Variants in RRM2 observed in about 807,000 individuals in gnomAD.
RRM2 encodes ribonucleoside-diphosphate reductase subunit M2.
A neutral mutation model predicts 45.9 loss-of-function variants in RRM2; 6 were observed. That is an observed-to-expected ratio of 0.13 (90% CI 0.07 to 0.26). The LOEUF (loss-of-function observed/expected upper bound fraction) is 0.26, where lower values mean the gene tolerates loss of function less well. Among genes scored for constraint, RRM2 ranks in the 10% least tolerant of loss-of-function variants. RRM2 has a pLI of 1.00. For synonymous variants in RRM2, 177 were observed against 173.0 expected, an observed-to-expected ratio of 1.02 and a Z score of -0.18; for missense variants, 343 against 489.5, an observed-to-expected ratio of 0.70 and a Z score of 2.82.
upstream of RRM2, among the ~76,000 whole-genome samples, chr2:10,136,793 T>C (rs1305373803): frequency 1.3e-5 from 2 of 151,860 alleles, no homozygotes; most frequent in African/African-American, 2.4e-5. Flanking sequence ...ACCCTGGCCA[T>C]AGCCCCTGGG....
At position 10,127,341 on chromosome 2, in the gene RRM2, T is replaced by G; in HGVS notation, c.798+121T>G. On this transcript the variant is annotated intron_variant, in intron 7 of 9. Coordinates refer to ENST00000304567, the MANE Select transcript of RRM2 (RefSeq NM_001034.4). The surrounding 1 kb of genome is among the most constrained non-coding windows in gnomAD (Gnocchi z 4.1). ...ATATATCCACATTTAATGTGTGAGTTCAACCATACACATACTTGACAAAAG... is the reference window on the plus strand; with the variant it reads ...ATATATCCACATTTAATGTGTGAGTGCAACCATACACATACTTGACAAAAG... The G allele has an allele frequency of 1.1e-6, 1 of 947,894 alleles. No homozygotes were observed. The highest frequency in any genetic ancestry group is 1.6e-5 in the South Asian group (1 of 62,242). 58.7% of individuals were successfully genotyped at this position (947,894 alleles called of 1,614,324 possible). A position where few individuals can be genotyped will look rare whatever the true frequency, so the allele number is the denominator to read the frequency against.
At chr2:10,139,042 C>T (rs1029310394), upstream of RRM2, among the ~76,000 whole-genome samples, 2 of 152,068 alleles carry the variant, frequency 1.3e-5, no homozygotes, top group Non-Finnish European at 2.9e-5. Flanking sequence ...CGGGAGGTGG[C>T]GGTTGTAGTG....
In RRM2 at chr2:10,122,902, G is replaced by A. The variant is rs375810774; in HGVS notation, c.99+5G>A. 2 of 1,577,174 alleles carry A rather than the reference G, an allele frequency of 1.3e-6. No homozygotes were observed. The highest frequency in any genetic ancestry group is 1.1e-5 in the South Asian group (1 of 86,972). On this transcript the variant is annotated splice_donor_5th_base_variant and intron_variant, in intron 1 of 9. Transcript: ENST00000304567. ...TTGGTCGACAAGGAGAACACGGTGAGCCCGCGGGGAGGGCGCTGCGGGCAG... is the reference window on the plus strand; with the variant it reads ...TTGGTCGACAAGGAGAACACGGTGAACCCGCGGGGAGGGCGCTGCGGGCAG...
Position 10,128,872 on chromosome 2 carries a change from C to G in RRM2, c.823C>G (p.Leu275Val). The G allele has an allele frequency of 6.2e-7, 1 of 1,614,052 alleles. No individual in the cohort carries two copies. The highest frequency in any genetic ancestry group is 8.5e-7 in the Non-Finnish European group (1 of 1,179,964). ...DEGLHCDFAC[L>V]MFKHLVHKPS... ...GGGTTTACACTGTGATTTTGCTTGC[C>G]TGATGTTCAAACACCTGGTACACAA... The change falls in exon 8 of 10, where the codon CTG becomes GTG. Residue 275 changes from leucine to valine, a missense_variant. Leu to Val is a conservative substitution (Grantham distance 32). Transcript: ENST00000304567.
chr2:10,165,897 C>T (rs1487053770), intron 3 of RRM2, among the ~76,000 whole-genome samples: 1 of 152,222 alleles, frequency 6.6e-6, no homozygotes, highest in Non-Finnish European at 1.5e-5. Context: ...CTTCACAGAT[C>T]TTTTGCTGAG....
intron 3 of RRM2, among the ~76,000 whole-genome samples, chr2:10,206,584 C>T (rs904724682): frequency 5.9e-5 from 9 of 152,142 alleles, no homozygotes; most frequent in Non-Finnish European, 4.4e-5. Context: ...CATGCTTAAC[C>T]GGAGTTCCAG....
chr2:10,166,920 C>A (rs1467576842), intron 3 of RRM2, among the ~76,000 whole-genome samples: 2 of 152,226 alleles, frequency 1.3e-5, no homozygotes, highest in Non-Finnish European at 2.9e-5. Context: ...TCACCACTGA[C>A]CCTGTTAGGA....
intron 3 of RRM2, among the ~76,000 whole-genome samples, chr2:10,206,245 C>CAAA (rs200752840): frequency 1.9e-5 from 2 of 103,000 alleles, no homozygotes; most frequent in African/African-American, 4.2e-5. Flanking sequence ...GACTCCGTCT[C>CAAA]AAAAAAAAAA....
At chr2:10,126,621 C>T (rs1662785074) in intron 5 of RRM2, 1 of 505,494 alleles carries the variant, frequency 2.0e-6, no homozygotes, top group East Asian at 3.2e-5. Flanking sequence ...TGTCTGTAGA[C>T]CCTGAAGCTC....
In RRM2 at chr2:10,131,113, T is replaced by A. The variant is rs963323051; in HGVS notation, c.*1727T>A. The A allele has an allele frequency of 5.3e-5, 8 of 152,240 alleles. No individual in the cohort carries two copies. Among genetic ancestry groups the A allele is most frequent in the African/African-American group, 9.6e-5 (4 of 41,468 alleles). The allele number at this position is 152,240 out of a possible 1,614,324, so 9.4% of individuals were successfully genotyped here. A position where few individuals can be genotyped will look rare whatever the true frequency, so the allele number is the denominator to read the frequency against. ...ATTTATTGTATAGACAATTTTTAAA[T>A]CTCTGTAATATGATACATTTTCCTA... On this transcript the variant is annotated 3_prime_UTR_variant, in exon 10 of 10. Coordinates refer to ENST00000304567, the MANE Select transcript of RRM2 (RefSeq NM_001034.4).
At chr2:10,163,710 C>T (rs775537840) in intron 3 of RRM2, among the ~76,000 whole-genome samples, 21 of 152,262 alleles carry the variant, frequency 1.4e-4, no homozygotes, top group Non-Finnish European at 2.4e-4. Context: ...CCAGTGGCCG[C>T]GCTCTGTCCC....
chr2:10,127,705 C>T lies in RRM2; in HGVS notation c.798+485C>T, dbSNP rs184168016. 8.4e-4 allele frequency among the ~76,000 whole-genome samples: 127 copies of T among 152,092 alleles called. 1 individual carries two copies. Among genetic ancestry groups the T allele is most frequent in the African/African-American group, 2.9e-3 (121 of 41,530 alleles). ...GCCAGACTGGGGTTGAACTCCTGAC[C>T]TCAGGTGATCAGGTGATCCACCCGC... On this transcript the variant is annotated intron_variant, in intron 7 of 9. Transcript: ENST00000304567. The surrounding 1 kb of genome is among the most constrained non-coding windows in gnomAD (Gnocchi z 4.1).
chr2:10,208,967 G>C (rs1664709604), intron 3 of RRM2, among the ~76,000 whole-genome samples: 2 of 151,678 alleles, frequency 1.3e-5, no homozygotes, highest in African/African-American at 4.8e-5. Flanking sequence ...TGCCTGTTCA[G>C]ACCTGTCCTG....
At position 10,123,024 on chromosome 2, in the gene RRM2, C is replaced by T. The variant is rs367602479; in HGVS notation, c.141C>T (p.Thr47=). Residue 47 remains threonine (T), a synonymous_variant, in exon 2 of 10, where the codon ACC becomes ACT. Transcript: ENST00000304567. ...LSGTRVLASK[T]ARRIFQEPTE... Reference sequence around the variant, plus strand: ...GGACCCGCGTCCTGGCCAGCAAGACCGCGAGGAGGATCTTCCAGGAGCCCA... The same window carrying T: ...GGACCCGCGTCCTGGCCAGCAAGACTGCGAGGAGGATCTTCCAGGAGCCCA... 4 of 1,567,046 alleles carry T rather than the reference C, an allele frequency of 2.6e-6. No individual in the cohort carries two copies. The highest frequency in any genetic ancestry group is 2.7e-5 in the African/African-American group (2 of 74,512).
chr2:10,205,931 G>C lies in RRM2; in HGVS notation n.483-4380G>C, dbSNP rs1272537716. Among the ~76,000 whole-genome samples the C allele has an allele frequency of 1.3e-5, 2 of 151,976 alleles. No homozygotes were observed. Among genetic ancestry groups the C allele is most frequent in the African/African-American group, 2.4e-5 (1 of 41,404 alleles). On this transcript the variant is annotated intron_variant and non_coding_transcript_variant, in intron 3 of 3. Coordinates refer to the RRM2 transcript ENST00000381786. This position sits in a 1 kb window ranked among gnomAD's most constrained non-coding sequence, Gnocchi z 4.8. ...TGGTCTCGAACTCCTGACCTCATAT[G>C]ATCCTCCCGCCTTGGCTTCCCAAAG... is the stretch of plus-strand genomic sequence containing the variant.
intron 3 of RRM2, among the ~76,000 whole-genome samples, chr2:10,168,598 G>A (rs550402424): frequency 6.6e-6 from 1 of 152,246 alleles, no homozygotes; most frequent in South Asian, 2.1e-4. Context: ...CCAACTCTGG[G>A]GGTTGGGGTG....
chr2:10,210,543 A>T, exon 4 of RRM2: 1 of 1,366,934 alleles, frequency 7.3e-7, no homozygotes, highest in South Asian at 1.1e-5. Flanking sequence ...TGGACTCCAC[A>T]CAGGCCTGCG....
chr2:10,171,837 T>C lies in RRM2; in HGVS notation n.482+29462T>C, dbSNP rs991767975. Among the ~76,000 whole-genome samples the C allele has an allele frequency of 6.6e-6, 1 of 152,242 alleles. No individual in the cohort carries two copies. The highest frequency in any genetic ancestry group is 2.4e-5 in the African/African-American group (1 of 41,464). On this transcript the variant is annotated intron_variant and non_coding_transcript_variant, in intron 3 of 3. Transcript: ENST00000381786. The surrounding 1 kb of genome is among the most constrained non-coding windows in gnomAD (Gnocchi z 4.1). The stretch of plus-strand genomic sequence containing the variant: ...GTGTCAGTTATGTGTCAGGCACTGT[T>C]CTGGACACGAGGTCTCAGGAACAAA...
chr2:10,122,879 G>A lies in RRM2; in HGVS notation c.81G>A (p.Leu27=), dbSNP rs1403970151. Residue 27 remains leucine, a synonymous_variant, in exon 1 of 10, where the codon TTG becomes TTA. Coordinates refer to ENST00000304567, the MANE Select transcript of RRM2 (RefSeq NM_001034.4). The part of the protein sequence containing the change: ...LQLSPLKGLS[L]VDKENTPPAL... ...TCTCGCCGCTGAAGGGGCTCAGCTTGGTCGACAAGGAGAACACGGTGAGCC... is the reference window on the plus strand; with the variant it reads ...TCTCGCCGCTGAAGGGGCTCAGCTTAGTCGACAAGGAGAACACGGTGAGCC... 4 of 1,595,994 alleles carry A rather than the reference G, an allele frequency of 2.5e-6. No individual in the cohort carries two copies. The African/African-American group carries it at 4.0e-5, about 16-fold the overall frequency.
Sources: allele counts gnomAD v4.1 joint callset (sites outside exome capture counted in the v4.1 genomes callset), GRCh38; gene constraint gnomAD v4.1.1; non-coding constraint Gnocchi (gnomAD v3.1); transcripts MANE v1.5; gene names NCBI Gene and HGNC (gene_info 2026-07-23, HGNC 2026-07-21).